Variants in FBXL17 observed in about 807,000 individuals in gnomAD.
FBXL17 encodes the protein F-box/LRR-repeat protein 17.
FBXL17 carries 22 observed loss-of-function variants against 66.2 expected under a neutral mutation model. The observed-to-expected ratio is 0.33, with a 90% confidence interval of 0.24 to 0.47. The LOEUF (loss-of-function observed/expected upper bound fraction) is 0.47, where lower values mean the gene tolerates loss of function less well. FBXL17 is among the 20% of genes least tolerant of loss of function. The pLI is 1.00. For synonymous variants in FBXL17, 474 were observed against 400.5 expected (o/e 1.18, Z -2.19); for missense variants, 878 against 948.2 (o/e 0.93, Z 0.97).
chr5:107,973,929 T>C (rs967131281), intron 7 of FBXL17, among the ~76,000 whole-genome samples: 7 of 152,068 alleles, frequency 4.6e-5, no homozygotes, highest in East Asian at 1.9e-4. Flanking sequence ...TAGCAACTTA[T>C]GGGGCTGAAT....
chr5:108,140,507 G>C (rs910840272), intron 6 of FBXL17, among the ~76,000 whole-genome samples: 17 of 152,144 alleles, frequency 1.1e-4, no homozygotes, highest in African/African-American at 3.9e-4. Context: ...TGACAACTTT[G>C]CCTATTTTTC....
intron 7 of FBXL17, among the ~76,000 whole-genome samples, chr5:107,937,777 C>T (rs1037611498): frequency 6.6e-6 from 1 of 152,134 alleles, no homozygotes; most frequent in African/African-American, 2.4e-5. Context: ...GAATCCTACA[C>T]ACCTCTCACT....
chr5:108,091,688 C>A (rs1157480280), intron 6 of FBXL17, among the ~76,000 whole-genome samples: 1 of 152,096 alleles, frequency 6.6e-6, no homozygotes, highest in Admixed American at 6.6e-5. Flanking sequence ...CAGCACATAC[C>A]CTCTACACTC....
At chr5:108,366,756 T>C (rs1748694138) in intron 2 of FBXL17, among the ~76,000 whole-genome samples, 1 of 152,064 alleles carries the variant, frequency 6.6e-6, no homozygotes, top group Non-Finnish European at 1.5e-5. Context: ...CCCAAGCAAG[T>C]AAATAACAAA....
chr5:107,869,904 T>C (rs1184731420), intron 8 of FBXL17, among the ~76,000 whole-genome samples: 1 of 152,220 alleles, frequency 6.6e-6, no homozygotes, highest in Non-Finnish European at 1.5e-5. Flanking sequence ...GACTCATACA[T>C]AGCAAACTTA....
chr5:108,165,090 T>C (rs1236826425), intron 6 of FBXL17, among the ~76,000 whole-genome samples: 1 of 152,212 alleles, frequency 6.6e-6, no homozygotes, highest in Non-Finnish European at 1.5e-5. Flanking sequence ...TAAGAATATT[T>C]ATCATACAGT....
At chr5:107,920,894 C>T (rs1201560522) in intron 7 of FBXL17, among the ~76,000 whole-genome samples, 3 of 152,100 alleles carry the variant, frequency 2.0e-5, no homozygotes, top group African/African-American at 7.2e-5. Context: ...GTGAAAATTG[C>T]TCCACAATCT....
intron 6 of FBXL17, among the ~76,000 whole-genome samples, chr5:108,180,433 G>A (rs1455200723): frequency 1.3e-5 from 2 of 151,972 alleles, no homozygotes; most frequent in Non-Finnish European, 2.9e-5. Context: ...TTGAGCCCGG[G>A]AAGCAGAGGT....
In FBXL17 at chr5:108,106,584, C is replaced by T. The variant is rs187878258; in HGVS notation, c.1745+79533G>A. 2.4e-3 allele frequency among the ~76,000 whole-genome samples: 372 copies of T among 152,228 alleles called. 1 individual carries two copies. Among genetic ancestry groups the T allele is most frequent in the African/African-American group, 4.1e-3 (171 of 41,548 alleles). ...TAAAAAGAAAGTGTGAAAGTGAATA[C>T]GTGCTACAACATGGAAGAACACTGA... is the stretch of plus-strand genomic sequence containing the variant. On this transcript the variant is annotated intron_variant, in intron 6 of 8. Transcript: ENST00000542267.
chr5:107,878,428 A>T (rs757369521), intron 8 of FBXL17: 5 of 609,324 alleles, frequency 8.2e-6, no homozygotes, highest in Non-Finnish European at 1.0e-5. Context: ...ACTCATTCAC[A>T]TGCTCACAAT....
intron 7 of FBXL17, among the ~76,000 whole-genome samples, chr5:107,999,671 C>A (rs187063272): frequency 6.9e-4 from 105 of 152,118 alleles, no homozygotes; most frequent in Non-Finnish European, 9.3e-4. Flanking sequence ...AACACAGACA[C>A]AACTCAGACC....
chr5:107,979,105 T>C (rs1429746327), intron 7 of FBXL17, among the ~76,000 whole-genome samples: 1 of 152,232 alleles, frequency 6.6e-6, no homozygotes, highest in African/African-American at 2.4e-5. Context: ...CTCCAGTTCC[T>C]GACATACATT....
chr5:107,926,998 T>C (rs1319763893), intron 7 of FBXL17, among the ~76,000 whole-genome samples: 2 of 151,770 alleles, frequency 1.3e-5, no homozygotes, highest in Admixed American at 6.6e-5. Flanking sequence ...AAAATAATAA[T>C]TGAAAATTGC....
rs553322159 is a variant in FBXL17, at chr5:108,010,663, TAAG to T, written c.1822+10259_1822+10261del. On this transcript the variant is annotated intron_variant, in intron 7 of 8. Transcript: ENST00000542267. ...TCCCATGTCTCTACCATAACGTGCATAAGAAGAGCCTGGTGTATCTTGACATAA... is the reference window on the plus strand; with the variant it reads ...TCCCATGTCTCTACCATAACGTGCATAAGAGCCTGGTGTATCTTGACATAA... 1.3e-3 allele frequency among the ~76,000 whole-genome samples: 197 copies of T among 152,194 alleles called. 1 individual carries two copies. Among genetic ancestry groups the T allele is most frequent in the African/African-American group, 4.4e-3 (183 of 41,540 alleles).
chr5:108,042,135 T>C (rs550805146), intron 6 of FBXL17, among the ~76,000 whole-genome samples: 1 of 152,268 alleles, frequency 6.6e-6, no homozygotes, highest in African/African-American at 2.4e-5. Context: ...CCTCAGGTGA[T>C]CTGCCTCCGT....
chr5:107,997,557 G>T (rs9285958), intron 7 of FBXL17, among the ~76,000 whole-genome samples: 2 of 151,996 alleles, frequency 1.3e-5, no homozygotes, highest in Non-Finnish European at 1.5e-5. Flanking sequence ...ACAATTTCAA[G>T]AATTCATTAT....
At chr5:108,082,217 TA>T (rs57269733) in intron 6 of FBXL17, among the ~76,000 whole-genome samples, 2,464 of 145,366 alleles carry the variant, frequency 0.017, 49 homozygotes, top group African/African-American at 0.046. Context: ...TCCCCTCTGG[TA>T]AAAAAAAAAA....
chr5:107,951,578 G>A (rs1751499677), intron 7 of FBXL17, among the ~76,000 whole-genome samples: 1 of 152,196 alleles, frequency 6.6e-6, no homozygotes, highest in African/African-American at 2.4e-5. Flanking sequence ...GACGTACCTG[G>A]CACTGAGCAT....
intron 7 of FBXL17, among the ~76,000 whole-genome samples, chr5:107,892,554 A>T (rs982423514): frequency 2.0e-5 from 3 of 152,184 alleles, no homozygotes; most frequent in Non-Finnish European, 4.4e-5. Flanking sequence ...TAATTTTCCC[A>T]GAGTAAAACT....
Sources: gnomAD v4.1 joint callset for allele counts (sites outside exome capture counted in the v4.1 genomes callset) on GRCh38, gnomAD v4.1.1 for gene constraint, MANE v1.5 for transcripts, NCBI Gene and HGNC (gene_info 2026-07-23, HGNC 2026-07-21) for gene names.